The following CAST variants were observed in gnomAD, a reference collection of about 807,000 sequenced individuals.
CAST encodes the protein calpastatin, also known as MIR583 host.
CAST carries 76 observed loss-of-function variants against 119.6 expected under a neutral mutation model. The ratio of observed to expected loss-of-function variants is 0.64; its 90% CI spans 0.53 to 0.77. The LOEUF is 0.77. Ranked by LOEUF, CAST falls within the 30% of genes least tolerant of loss-of-function variation. The probability of loss-of-function intolerance (pLI) is 0.00; values close to 1 mark genes in which losing one functional copy is unlikely to be tolerated. For synonymous variants in CAST, 319 were observed against 331.6 expected, an observed-to-expected ratio of 0.96 and a Z score of 0.41; for missense variants, 953 against 946.5, an observed-to-expected ratio of 1.01 and a Z score of -0.09.
the CAST span, among the ~76,000 whole-genome samples, chr5:96,203,034 A>G: frequency 6.6e-6 from 1 of 152,100 alleles, no homozygotes; most frequent in Non-Finnish European, 1.5e-5. Context: ...CCATCTGTAA[A>G]TAACCACCTT....
At chr5:96,428,202 C>T in the CAST span, among the ~76,000 whole-genome samples, 1 of 152,150 alleles carries the variant, frequency 6.6e-6, no homozygotes, top group Admixed American at 6.5e-5. Flanking sequence ...TTACAGTCCT[C>T]ATGAATTTCG....
the CAST span, among the ~76,000 whole-genome samples, chr5:96,295,330 A>C: frequency 6.6e-6 from 1 of 152,172 alleles, no homozygotes; most frequent in Non-Finnish European, 1.5e-5. Context: ...ATGTCACACT[A>C]TTTAGAGGGT....
the CAST span, among the ~76,000 whole-genome samples, chr5:96,003,494 C>T: frequency 1.5e-4 from 20 of 136,912 alleles, no homozygotes; most frequent in African/African-American, 5.2e-4. Flanking sequence ...GCCGAGATGG[C>T]GCCACTGCAC....
the CAST span, among the ~76,000 whole-genome samples, chr5:96,179,714 C>A: frequency 6.6e-6 from 1 of 152,158 alleles, no homozygotes; most frequent in East Asian, 1.9e-4. Flanking sequence ...GCACTTGTCA[C>A]GTTGAGAGAA....
intron 10 of CAST, among the ~76,000 whole-genome samples, chr5:96,737,334 T>C (rs929334477): frequency 6.6e-6 from 1 of 151,592 alleles, no homozygotes; most frequent in Non-Finnish European, 1.5e-5. Context: ...AAAAAAAACA[T>C]GAATGAAATA....
At chr5:96,658,686 G>A (rs566515483), upstream of CAST, among the ~76,000 whole-genome samples, 64 of 152,312 alleles carry the variant, frequency 4.2e-4, no homozygotes, top group Middle Eastern at 3.4e-3. Context: ...TATCATACAT[G>A]AGGCACTGTG....
At chr5:96,302,696 C>G in the CAST span, among the ~76,000 whole-genome samples, 17 of 152,346 alleles carry the variant, frequency 1.1e-4, no homozygotes, top group Middle Eastern at 3.4e-3. Context: ...CACAATGCCA[C>G]CAGTCTCTTT....
chr5:96,154,405 A>G, the CAST span, among the ~76,000 whole-genome samples: 11 of 152,316 alleles, frequency 7.2e-5, no homozygotes, highest in East Asian at 2.1e-3. Flanking sequence ...ACTGTTTTAC[A>G]TTTATAGGAA....
chr5:96,607,635 G>GTGTCCTTTCATGTGCTTTTCGAGGT, intron 1 of CAST, among the ~76,000 whole-genome samples: 2 of 152,216 alleles, frequency 1.3e-5, no homozygotes, highest in South Asian at 4.1e-4. Context: ...CTTTTCGAGG[G>GTGTCCTTTCATGTGCTTTTCGAGGT]TGTCCTTTCA....
the CAST span, among the ~76,000 whole-genome samples, chr5:96,039,358 G>C: frequency 2.1e-3 from 314 of 152,244 alleles, 2 homozygotes; most frequent in African/African-American, 7.2e-3. Flanking sequence ...CTTTTGCTAT[G>C]CAGAAGCTCT....
At chr5:96,473,625 C>G in the CAST span, among the ~76,000 whole-genome samples, 1 of 152,180 alleles carries the variant, frequency 6.6e-6, no homozygotes, top group South Asian at 2.1e-4. Flanking sequence ...TGAATGGAGC[C>G]TGACTATATC....
intron 1 of CAST, among the ~76,000 whole-genome samples, chr5:96,561,551 C>G (rs932372553): frequency 1.4e-5 from 2 of 146,910 alleles, no homozygotes; most frequent in African/African-American, 2.5e-5. Context: ...CATCACACAC[C>G]GGGGCCTGTT....
intron 1 of CAST, among the ~76,000 whole-genome samples, chr5:96,631,258 C>T (rs1747814665): frequency 7.1e-6 from 1 of 141,094 alleles, no homozygotes; most frequent in African/African-American, 2.5e-5. Context: ...AGCAATTAGT[C>T]CCAATTCACC....
chr5:96,069,680 T>TTTC, the CAST span, among the ~76,000 whole-genome samples: 1 of 127,940 alleles, frequency 7.8e-6, no homozygotes, highest in African/African-American at 2.7e-5. Context: ...TTTTTTTTTT[T>TTTC]GTAGAGAGGG....
the CAST span, among the ~76,000 whole-genome samples, chr5:96,498,634 G>T: frequency 1.1e-3 from 163 of 152,304 alleles, no homozygotes; most frequent in African/African-American, 3.8e-3. Context: ...AAGCAATAAA[G>T]ATCAAGATAA....
intron 3 of CAST, among the ~76,000 whole-genome samples, chr5:96,718,759 T>G (rs1757648002): frequency 6.6e-6 from 1 of 152,078 alleles, no homozygotes; most frequent in Non-Finnish European, 1.5e-5. Flanking sequence ...TTAGTAACCC[T>G]CAACAAACAA....
the CAST span, among the ~76,000 whole-genome samples, chr5:96,455,743 C>T: frequency 1.3e-5 from 2 of 152,178 alleles, no homozygotes; most frequent in African/African-American, 2.4e-5. Context: ...CAGAGGCCTC[C>T]GTTGAGCAAC....
At chr5:96,645,214 A>G (rs1485302398) in intron 1 of CAST, among the ~76,000 whole-genome samples, 1 of 152,058 alleles carries the variant, frequency 6.6e-6, no homozygotes, top group Admixed American at 6.6e-5. Flanking sequence ...ATATGAGCTT[A>G]TCTGATGTTT....
At chr5:96,041,775 T>C in the CAST span, among the ~76,000 whole-genome samples, 1 of 152,070 alleles carries the variant, frequency 6.6e-6, no homozygotes. Flanking sequence ...TTGTGAATAG[T>C]AGGAGGCATG....
Sources: gnomAD v4.1 joint callset for allele counts (sites outside exome capture counted in the v4.1 genomes callset) on GRCh38, gnomAD v4.1.1 for gene constraint, MANE v1.5 for transcripts, NCBI Gene and HGNC (gene_info 2026-07-23, HGNC 2026-07-21) for gene names.